Variants in NECTIN1 observed in about 807,000 individuals in gnomAD.
NECTIN1 encodes the protein nectin cell adhesion molecule 1.
NECTIN1 carries 23 observed loss-of-function variants against 48.0 expected under a neutral mutation model. The ratio of observed to expected loss-of-function variants is 0.48; its 90% CI spans 0.34 to 0.68. NECTIN1 has a LOEUF of 0.68. Ranked by LOEUF, NECTIN1 falls within the 30% of genes least tolerant of loss-of-function variation. The pLI, the probability that NECTIN1 is intolerant of heterozygous loss-of-function variation, is 0.01. For missense variants in NECTIN1, 591 were observed against 709.9 expected, an observed-to-expected ratio of 0.83 and a Z score of 1.90; for synonymous variants, 270 against 288.9, an observed-to-expected ratio of 0.93 and a Z score of 0.66.
intron 1 of NECTIN1, among the ~76,000 whole-genome samples, chr11:119,681,139 C>T (rs76180706): frequency 0.047 from 7,154 of 152,312 alleles, 392 homozygotes; most frequent in African/African-American, 0.13. Context: ...CTCTTGCTGA[C>T]GGGCTAGTTG....
At chr11:119,674,928 A>T (rs1202301262) in intron 5 of NECTIN1, among the ~76,000 whole-genome samples, 1 of 152,136 alleles carries the variant, frequency 6.6e-6, no homozygotes, top group Non-Finnish European at 1.5e-5. Flanking sequence ...TCCCTCTCAG[A>T]GCCTTCCTCC....
intron 5 of NECTIN1, among the ~76,000 whole-genome samples, chr11:119,646,962 G>A (rs1034231355): frequency 3.3e-5 from 5 of 152,200 alleles, no homozygotes; most frequent in African/African-American, 1.2e-4. Context: ...GTTCCTGAGG[G>A]CAGGGACATG....
chr11:119,648,390 G>C, intron 5 of NECTIN1, among the ~76,000 whole-genome samples: 1 of 113,536 alleles, frequency 8.8e-6, no homozygotes, highest in African/African-American at 3.7e-5. Flanking sequence ...TGGTGGTGGT[G>C]GTGATGGTGG....
intron 1 of NECTIN1, among the ~76,000 whole-genome samples, chr11:119,722,876 T>C (rs560625166): frequency 1.3e-5 from 2 of 152,394 alleles, no homozygotes; most frequent in East Asian, 1.9e-4. Context: ...TGCCTGGCAA[T>C]GTGCTACGCA....
Position 119,664,942 on chromosome 11 carries a change from C to G in NECTIN1, c.1359G>C (p.Val453=). The G allele has an allele frequency of 6.2e-7, 1 of 1,613,684 alleles. No homozygotes were observed. Among genetic ancestry groups the G allele is most frequent in the Non-Finnish European group, 8.5e-7 (1 of 1,179,804 alleles). ...CGTCATATTTGGGGTGGGGGCCGCC[C>G]ACCTTGCGCTCGCCCCCTCCACCGC... ...EEGGGGGERK[V]GGPHPKYDED... is the part of the protein sequence containing the mutation. Residue 453 remains valine (V), a synonymous_variant, in exon 6 of 6, where the codon GTG becomes GTC. Transcript: ENST00000264025.
chr11:119,668,432 G>A (rs929130762), intron 5 of NECTIN1, among the ~76,000 whole-genome samples: 1 of 152,206 alleles, frequency 6.6e-6, no homozygotes, highest in African/African-American at 2.4e-5. Context: ...GTGCAGTCTG[G>A]CCTTCAAAGC....
Position 119,663,183 on chromosome 11 carries a change from T to G in NECTIN1, c.*1564A>C. The G allele has an allele frequency of 1.0e-6, 1 of 985,444 alleles. No individual in the cohort carries two copies. Among genetic ancestry groups the G allele is most frequent in the Non-Finnish European group, 1.2e-6 (1 of 829,962 alleles). The allele number at this position is 985,444 out of a possible 1,614,324, so 61.0% of individuals were successfully genotyped here. A position where few individuals can be genotyped will look rare whatever the true frequency, so the allele number is the denominator to read the frequency against. On this transcript the variant is annotated 3_prime_UTR_variant, in exon 6 of 6. Coordinates refer to ENST00000264025, the MANE Select transcript of NECTIN1 (RefSeq NM_002855.5). ...TAACTGGAATCCCAGTGGGCAGGCA[T>G]GAAGGGCCGCGAAGCCTGCCTCTCC...
At chr11:119,648,385 G>GTGGTGA (rs1864441654) in intron 5 of NECTIN1, among the ~76,000 whole-genome samples, 3 of 66,688 alleles carry the variant, frequency 4.5e-5, no homozygotes, top group Non-Finnish European at 9.3e-5. Flanking sequence ...GATGGTGGTG[G>GTGGTGA]TGGTGGTGAT....
intron 1 of NECTIN1, among the ~76,000 whole-genome samples, chr11:119,700,832 G>A (rs1017355167): frequency 1.3e-5 from 2 of 152,152 alleles, no homozygotes; most frequent in Non-Finnish European, 2.9e-5. Flanking sequence ...TGGGATGGGG[G>A]GTATATGAGA....
At chr11:119,704,647 C>T (rs111511800) in intron 1 of NECTIN1, among the ~76,000 whole-genome samples, 85 of 152,318 alleles carry the variant, frequency 5.6e-4, no homozygotes, top group Non-Finnish European at 1.1e-3. Context: ...TCTACCGCCC[C>T]ATCTGTAACT....
At chr11:119,702,260 G>A (rs1865470132) in intron 1 of NECTIN1, among the ~76,000 whole-genome samples, 1 of 152,132 alleles carries the variant, frequency 6.6e-6, no homozygotes, top group South Asian at 2.1e-4. Flanking sequence ...TTCCCACCAG[G>A]GCCTCCACCT....
rs536598787 is a variant in NECTIN1, at chr11:119,677,391, C to T, written c.733+164G>A. On this transcript the variant is annotated intron_variant, in intron 3 of 5. Transcript: ENST00000264025. The surrounding 1 kb of genome is among the most constrained non-coding windows in gnomAD (Gnocchi z 5.4). ...GAGCCCGGGAGTGGAAACAGGAGGG[C>T]GACAGGGAAGGAGGAGAGAAAACGA... 2.0e-5 allele frequency among the ~76,000 whole-genome samples: 3 copies of T among 151,500 alleles called. No homozygotes were observed. The highest frequency in any genetic ancestry group is 4.9e-5 in the African/African-American group (2 of 41,216).
At chr11:119,701,680 A>G (rs748577772) in intron 1 of NECTIN1, among the ~76,000 whole-genome samples, 1 of 152,142 alleles carries the variant, frequency 6.6e-6, no homozygotes, top group Non-Finnish European at 1.5e-5. Context: ...CCTAGGGGAG[A>G]TGTTAATTAG....
chr11:119,698,597 G>A (rs1331845099), intron 1 of NECTIN1, among the ~76,000 whole-genome samples: 2 of 152,208 alleles, frequency 1.3e-5, no homozygotes, highest in Admixed American at 1.3e-4. Context: ...GAGGGAGTTC[G>A]CATGGTGGAC....
intron 5 of NECTIN1, 56 bp downstream of exon 5, chr11:119,675,103 C>G: frequency 6.3e-7 from 1 of 1,597,248 alleles, no homozygotes; most frequent in Admixed American, 1.7e-5. Context: ...GTGAGGGATG[C>G]AGGTGGCGAA....
intron 5 of NECTIN1, among the ~76,000 whole-genome samples, chr11:119,666,420 G>T (rs1591450205): frequency 6.6e-6 from 1 of 152,242 alleles, no homozygotes; most frequent in East Asian, 1.9e-4. Context: ...TGCCAGTGGG[G>T]CCGGGCCACA....
rs187452699 is a variant in NECTIN1 at position 119,644,344 on chromosome 11, C to T, written c.1004-4332G>A. On this transcript the variant is annotated intron_variant, in intron 5 of 7. Transcript: ENST00000341398. ...ACTGAGGCCTCGTGGTTTGGGAGCC[C>T]GAGGAGCTTTGGGTCACACCCAAGT... is the stretch of plus-strand genomic sequence containing the variant. Among the ~76,000 whole-genome samples the T allele has an allele frequency of 3.8e-3, 586 of 152,296 alleles. 6 individuals are homozygous for T. The highest frequency in any genetic ancestry group is 0.014 in the African/African-American group (563 of 41,560).
At position 119,728,603 on chromosome 11, in the gene NECTIN1, G is replaced by C. The variant is rs1410948549; in HGVS notation, c.-50C>G. On this transcript the variant is annotated 5_prime_UTR_variant, in exon 1 of 6. Coordinates refer to ENST00000264025, the MANE Select transcript of NECTIN1 (RefSeq NM_002855.5). ...GGGCGGCGAGGGCAGCGCTCCTCGC[G>C]CAGCAGAAACCAGCCCGGAAGATGA... is the stretch of plus-strand genomic sequence containing the variant. The C allele has an allele frequency of 2.3e-6, 3 of 1,305,840 alleles. No individual in the cohort carries two copies. Among genetic ancestry groups the C allele is most frequent in the Non-Finnish European group, 3.1e-6 (3 of 957,052 alleles). 80.9% of individuals were successfully genotyped at this position (1,305,840 alleles called of 1,614,324 possible).
intron 5 of NECTIN1, among the ~76,000 whole-genome samples, chr11:119,655,670 C>T (rs537889054): frequency 7.4e-4 from 113 of 152,282 alleles, no homozygotes; most frequent in African/African-American, 2.6e-3. Flanking sequence ...AGGACTATCC[C>T]AAGAAGGCTA....
Sources: gnomAD v4.1 joint callset for allele counts (sites outside exome capture counted in the v4.1 genomes callset) on GRCh38, gnomAD v4.1.1 for gene constraint, Gnocchi (gnomAD v3.1) non-coding constraint, MANE v1.5 for transcripts, NCBI Gene and HGNC (gene_info 2026-07-23, HGNC 2026-07-21) for gene names.